The following SCFD1 variants were observed in gnomAD, a reference collection of about 807,000 sequenced individuals.
SCFD1 encodes sec1 family domain-containing protein 1.
A neutral mutation model predicts 103.2 loss-of-function variants in SCFD1; 37 were observed. The ratio of observed to expected loss-of-function variants is 0.36; its 90% CI spans 0.28 to 0.47. The LOEUF (loss-of-function observed/expected upper bound fraction) is 0.47, where lower values mean the gene tolerates loss of function less well. Ranked by LOEUF, SCFD1 falls within the 20% of genes least tolerant of loss-of-function variation. The pLI is 1.00. For synonymous variants in SCFD1, 264 were observed against 245.0 expected (o/e 1.08, Z -0.73); for missense variants, 639 against 761.2 (o/e 0.84, Z 1.89).
At chr14:30,684,754 T>C (rs1367787070) in intron 14 of SCFD1, among the ~76,000 whole-genome samples, 1 of 146,904 alleles carries the variant, frequency 6.8e-6, no homozygotes, top group East Asian at 2.0e-4. Context: ...TTTTACTTTT[T>C]AAAATATATT....
chr14:30,700,991 ACTT>A (rs1358291555), intron 16 of SCFD1, among the ~76,000 whole-genome samples: 1 of 152,340 alleles, frequency 6.6e-6, no homozygotes, highest in African/African-American at 2.4e-5. Context: ...TTGGTATCAG[ACTT>A]CTTCTGGGTT....
intron 4 of SCFD1, 62 bp from the exon 5 acceptor site, chr14:30,638,063 G>C: frequency 6.9e-7 from 1 of 1,448,170 alleles, no homozygotes; most frequent in Non-Finnish European, 9.1e-7. Context: ...TATAGTAGTT[G>C]AAACATATGT....
At chr14:30,648,350 G>A (rs1410563628) in intron 7 of SCFD1, among the ~76,000 whole-genome samples, 2 of 152,102 alleles carry the variant, frequency 1.3e-5, no homozygotes, top group East Asian at 3.8e-4. Context: ...GACAGTTTGA[G>A]CATATAAATA....
At chr14:30,647,152 A>G (rs10135741) in intron 7 of SCFD1, among the ~76,000 whole-genome samples, 7,532 of 152,226 alleles carry the variant, frequency 0.049, 607 homozygotes, top group African/African-American at 0.17. Flanking sequence ...GTGCTTTACT[A>G]TCACTAATGG....
At chr14:30,716,614 G>A (rs1263059635) in intron 20 of SCFD1, among the ~76,000 whole-genome samples, 2 of 152,142 alleles carry the variant, frequency 1.3e-5, no homozygotes, top group African/African-American at 4.8e-5. Context: ...ACAAGAATCT[G>A]GAATCAAAAA....
At chr14:30,663,885 T>C (rs1330157568) in intron 10 of SCFD1, among the ~76,000 whole-genome samples, 1 of 152,226 alleles carries the variant, frequency 6.6e-6, no homozygotes, top group East Asian at 1.9e-4. Context: ...CTACAGGTTA[T>C]TGTAAGGATC....
intron 17 of SCFD1, among the ~76,000 whole-genome samples, chr14:30,704,284 C>A (rs1891318878): frequency 6.6e-6 from 1 of 152,054 alleles, no homozygotes; most frequent in Non-Finnish European, 1.5e-5. Flanking sequence ...CATGATCCTT[C>A]CATTTCAGCC....
intron 4 of SCFD1, chr14:30,635,121 C>A: frequency 2.7e-6 from 1 of 372,026 alleles, no homozygotes; most frequent in Non-Finnish European, 5.3e-6. Context: ...GTGACGTTTG[C>A]AAATTTTGTG....
chr14:30,690,540 A>C (rs2139293111), intron 14 of SCFD1, among the ~76,000 whole-genome samples: 1 of 131,540 alleles, frequency 7.6e-6, no homozygotes, highest in South Asian at 2.4e-4. Context: ...CCGGTCTGAA[A>C]AGCGCAATAT....
chr14:30,715,935 T>C lies in SCFD1; in HGVS notation c.1641T>C (p.Val547=). Residue 547 remains valine, a synonymous_variant, in exon 20 of 25, where the codon GTT becomes GTC. Coordinates refer to ENST00000458591, the MANE Select transcript of SCFD1 (RefSeq NM_016106.4). ...ATACTTTTCCACAGAATCTACCTGT[T>C]ACTCGTATTTTGGACAATCTTATGG... ...NLVLKQQNLP[V]TRILDNLMEM... 2 of 1,551,496 alleles carry C rather than the reference T, an allele frequency of 1.3e-6. No individual in the cohort carries two copies. The highest frequency in any genetic ancestry group is 1.8e-6 in the Non-Finnish European group (2 of 1,138,826).
Position 30,667,958 on chromosome 14 carries a change from G to A in SCFD1, c.856-2298G>A, listed in dbSNP as rs1038983951. On this transcript the variant is annotated intron_variant, in intron 10 of 24. Transcript: ENST00000458591. ...CTCATGGATAGGAAGAATCAATATC[G>A]TGAAAACGGCCATACTGCCCAAGGT... Among the ~76,000 whole-genome samples the A allele has an allele frequency of 4.6e-5, 7 of 152,246 alleles. No homozygotes were observed. In the East Asian group the frequency reaches 1.2e-3, roughly 25 times the overall value.
chr14:30,705,311 C>A (rs1014421420), intron 17 of SCFD1, among the ~76,000 whole-genome samples: 2 of 151,996 alleles, frequency 1.3e-5, no homozygotes, highest in African/African-American at 4.8e-5. Flanking sequence ...AAGGCATGTA[C>A]CTGGAAACAA....
intron 23 of SCFD1, among the ~76,000 whole-genome samples, chr14:30,732,775 A>C (rs1344142678): frequency 2.0e-5 from 3 of 152,188 alleles, no homozygotes; most frequent in African/African-American, 7.2e-5. Context: ...AATGTTGTTA[A>C]TCTAACTCAC....
chr14:30,633,862 C>T, intron 3 of SCFD1, 85 bp from the exon 4 acceptor site: 8 of 687,672 alleles, frequency 1.2e-5, no homozygotes, highest in Non-Finnish European at 1.9e-5. Context: ...GGTTACTGTC[C>T]TTGAGCTAGT....
At chr14:30,684,538 T>C (rs1889778327) in intron 14 of SCFD1, among the ~76,000 whole-genome samples, 1 of 152,138 alleles carries the variant, frequency 6.6e-6, no homozygotes, top group Non-Finnish European at 1.5e-5. Context: ...GTCTGATTGT[T>C]TACCTGATGA....
intron 17 of SCFD1, among the ~76,000 whole-genome samples, chr14:30,705,199 T>A (rs1566647243): frequency 6.6e-6 from 1 of 152,128 alleles, no homozygotes; most frequent in African/African-American, 2.4e-5. Context: ...GAGTTAGAAG[T>A]GTTAACAAAG....
intron 15 of SCFD1, among the ~76,000 whole-genome samples, chr14:30,695,131 A>G (rs1295838509): frequency 6.6e-6 from 1 of 152,230 alleles, no homozygotes; most frequent in East Asian, 1.9e-4. Context: ...TGATATATGT[A>G]AAGCTTAATA....
Position 30,680,588 on chromosome 14 carries a change from G to A in SCFD1, c.1242+5523G>A, listed in dbSNP as rs541488141. 1.1e-4 allele frequency among the ~76,000 whole-genome samples: 17 copies of A among 152,220 alleles called. No homozygotes were observed. The East Asian group carries it at 2.7e-3, about 24-fold the overall frequency. On this transcript the variant is annotated intron_variant, in intron 14 of 24. Coordinates refer to ENST00000458591, the MANE Select transcript of SCFD1 (RefSeq NM_016106.4). ...TTCAGTGAGAATGGTTTGCTCTTTT[G>A]TAATCCCTTTGGAGTAACCATAGGA...
chr14:30,714,073 C>T (rs1213855759), intron 19 of SCFD1, among the ~76,000 whole-genome samples: 2 of 151,930 alleles, frequency 1.3e-5, no homozygotes, highest in Admixed American at 6.6e-5. Context: ...TTTGGCCGGG[C>T]GCGGTGGCTC....
Sources: gnomAD v4.1 joint callset for allele counts (sites outside exome capture counted in the v4.1 genomes callset) on GRCh38, gnomAD v4.1.1 for gene constraint, MANE v1.5 for transcripts, NCBI Gene and HGNC (gene_info 2026-07-23, HGNC 2026-07-21) for gene names.